The following PYGB variants were observed in gnomAD, a reference collection of about 807,000 sequenced individuals.
The protein encoded by PYGB is glycogen phosphorylase B, also known as glycogen phosphorylase, brain form.
PYGB carries 82 observed loss-of-function variants against 94.3 expected under a neutral mutation model. The observed-to-expected ratio is 0.87, with a 90% CI of 0.73 to 1.04. The LOEUF (loss-of-function observed/expected upper bound fraction) is 1.04, where lower values mean the gene tolerates loss of function less well. PYGB is among the 50% of genes least tolerant of loss of function. PYGB has a pLI of 0.00. For missense variants in PYGB, 1,132 were observed against 1,158.2 expected (o/e 0.98, Z 0.33); for synonymous variants, 488 against 479.1 (o/e 1.02, Z -0.24).
chr20:25,250,628 A>G (rs1353566444), intron 1 of PYGB, among the ~76,000 whole-genome samples: 2 of 152,218 alleles, frequency 1.3e-5, no homozygotes, highest in African/African-American at 4.8e-5. Flanking sequence ...GTGATGGACC[A>G]GCAACCAGTC....
chr20:25,286,803 G>C (rs1343016448), intron 14 of PYGB, among the ~76,000 whole-genome samples: 2 of 152,216 alleles, frequency 1.3e-5, no homozygotes, highest in African/African-American at 2.4e-5. Flanking sequence ...TCTCTGCCCA[G>C]AGTGCCCCTC....
intron 9 of PYGB, 58 bp from the exon 10 acceptor site, chr20:25,280,208 T>G: frequency 6.3e-7 from 1 of 1,586,038 alleles, no homozygotes; most frequent in Non-Finnish European, 8.6e-7. Flanking sequence ...CCTAGGCAAC[T>G]GGCCAGAGAG....
chr20:25,279,870 G>A (rs1482343071), intron 9 of PYGB, among the ~76,000 whole-genome samples: 1 of 152,180 alleles, frequency 6.6e-6, no homozygotes, highest in African/African-American at 2.4e-5. Context: ...GCCAGCATAG[G>A]GCAGGTCTGT....
intron 11 of PYGB, among the ~76,000 whole-genome samples, chr20:25,281,709 C>T (rs2088369005): frequency 6.6e-6 from 1 of 152,208 alleles, no homozygotes; most frequent in African/African-American, 2.4e-5. Flanking sequence ...TTCTCAAGCC[C>T]TGAAGTCCTG....
Position 25,280,333 on chromosome 20 carries a change from G to T in PYGB, c.1160G>T (p.Arg387Leu), listed in dbSNP as rs974654301. 5.6e-6 allele frequency: 9 copies of T among 1,613,906 alleles called. No individual in the cohort carries two copies. The highest frequency in any genetic ancestry group is 7.6e-6 in the Non-Finnish European group (9 of 1,179,866). The change falls in exon 10 of 20, where the codon CGC becomes CTC. Residue 387 changes from arginine to leucine, a missense_variant. Arg to Leu is a moderately radical substitution (Grantham distance 102). Transcript: ENST00000216962. ...ACTGTGCTGCCTGAGGCCTTGGAGC[G>T]CTGGCCCGTGTCCATGTTTGAGAAG... is the stretch of plus-strand genomic sequence containing the variant. ...NHTVLPEALERWPVSMFEKLL... is the reference protein window; with the variant it reads ...NHTVLPEALELWPVSMFEKLL...
Position 25,248,202 on chromosome 20 carries a change from C to CGAGAAGCGG in PYGB, c.25_33dup (p.Glu9_Arg11dup). Reference sequence around the variant, plus strand: ...CGATGGCGAAGCCGCTGACGGACAGCGAGAAGCGGAAGCAGATCAGCGTGC... The same window carrying CGAGAAGCGG: ...CGATGGCGAAGCCGCTGACGGACAGCGAGAAGCGGGAGAAGCGGAAGCAGATCAGCGTGC... On this transcript the variant is annotated inframe_insertion, in exon 1 of 20. Coordinates refer to ENST00000216962, the MANE Select transcript of PYGB (RefSeq NM_002862.4). 5 of 1,591,082 alleles carry CGAGAAGCGG rather than the reference C, an allele frequency of 3.1e-6. No homozygotes were observed. The South Asian group carries it at 5.7e-5, about 18-fold the overall frequency.
At chr20:25,290,347 C>T in intron 15 of PYGB, 134 bp from the exon 16 acceptor site, 1 of 1,191,302 alleles carries the variant, frequency 8.4e-7, no homozygotes, top group South Asian at 1.5e-5. Context: ...CTCCCTAGCT[C>T]CTCTACTGAC....
chr20:25,254,952 T>A (rs1012539541), intron 1 of PYGB, among the ~76,000 whole-genome samples: 9 of 152,220 alleles, frequency 5.9e-5, no homozygotes, highest in Non-Finnish European at 1.3e-4. Flanking sequence ...ACATTTGACA[T>A]TTTCAAAATT....
At chr20:25,289,606 T>C (rs936797274) in intron 15 of PYGB, among the ~76,000 whole-genome samples, 2 of 151,364 alleles carry the variant, frequency 1.3e-5, no homozygotes, top group African/African-American at 4.9e-5. Flanking sequence ...ATTGCACTAC[T>C]GCACTCCAGT....
At chr20:25,295,971 AGGAAAGGCTGGCCTGGT>A (rs2088536503) in intron 19 of PYGB, among the ~76,000 whole-genome samples, 1 of 152,132 alleles carries the variant, frequency 6.6e-6, no homozygotes, top group Non-Finnish European at 1.5e-5. Context: ...GCTGGCCTCG[AGGAAAGGCTGGCCTGGT>A]GTGACCTGCA....
At position 25,290,598 on chromosome 20, in the gene PYGB, T is replaced by C; in HGVS notation, c.1945T>C (p.Tyr649His). ...DRLKVIFLEN[Y>H]RVSLAEKVIP... ...GTTGAAAGTGATCTTCCTGGAGAAC[T>C]ACCGTGTGTCCTTGGCTGAGAAAGG... The change falls in exon 16 of 20, where the codon TAC becomes CAC. Residue 649 changes from tyrosine (Y) to histidine (H), a missense_variant. Physicochemically the swap from Tyr to His is moderately conservative, Grantham distance 83. Transcript: ENST00000216962. 6.2e-7 allele frequency: 1 copy of C among 1,605,630 alleles called. No individual in the cohort carries two copies. The highest frequency in any genetic ancestry group is 8.5e-7 in the Non-Finnish European group (1 of 1,172,772).
chr20:25,256,769 G>T (rs1443609039), intron 1 of PYGB, among the ~76,000 whole-genome samples: 1 of 152,246 alleles, frequency 6.6e-6, no homozygotes, highest in African/African-American at 2.4e-5. Flanking sequence ...AGCCAGAGGG[G>T]AGTGAGTGGA....
intron 2 of PYGB, among the ~76,000 whole-genome samples, chr20:25,267,934 A>G (rs991112513): frequency 6.6e-6 from 1 of 152,174 alleles, no homozygotes; most frequent in Admixed American, 6.5e-5. Context: ...GAAGGAACTA[A>G]ACATCTTTGA....
intron 1 of PYGB, among the ~76,000 whole-genome samples, chr20:25,249,437 G>A (rs769760586): frequency 1.1e-4 from 17 of 152,164 alleles, no homozygotes; most frequent in African/African-American, 3.9e-4. Flanking sequence ...CTACACTAAC[G>A]TAGAGGGAGA....
chr20:25,275,778 A>G (rs536355126), intron 5 of PYGB, among the ~76,000 whole-genome samples: 5 of 152,290 alleles, frequency 3.3e-5, no homozygotes, highest in African/African-American at 1.2e-4. Context: ...AGGGGCTAGA[A>G]TGCCTTGGCG....
In PYGB at chr20:25,284,146, A is replaced by G; in HGVS notation, c.1663A>G (p.Lys555Glu). ...KFSAFLEKEY[K>E]VKINPSSMFD... The stretch of plus-strand genomic sequence containing the variant: ...CTCGGCCTTCCTGGAGAAGGAGTAC[A>G]AGGTGAAGATCAACCCCTCCTCCAT... The change falls in exon 14 of 20, where the codon AAG becomes GAG. Residue 555 changes from lysine (K) to glutamate (E), a missense_variant. Physicochemically the swap from Lys to Glu is moderately conservative, Grantham distance 56. Transcript: ENST00000216962. 2 of 1,614,078 alleles carry G rather than the reference A, an allele frequency of 1.2e-6. No homozygotes were observed. The highest frequency in any genetic ancestry group is 1.7e-6 in the Non-Finnish European group (2 of 1,179,976).
At chr20:25,256,569 G>T (rs943599585) in intron 1 of PYGB, among the ~76,000 whole-genome samples, 1 of 152,066 alleles carries the variant, frequency 6.6e-6, no homozygotes, top group Non-Finnish European at 1.5e-5. Context: ...ATGTCATATT[G>T]CAAGAAGGGA....
intron 4 of PYGB, among the ~76,000 whole-genome samples, chr20:25,272,907 G>T (rs1187792912): frequency 6.6e-6 from 1 of 152,234 alleles, no homozygotes; most frequent in African/African-American, 2.4e-5. Context: ...CAGCAGGAAG[G>T]TATTGGTGGT....
chr20:25,250,131 G>T (rs576313672), intron 1 of PYGB, among the ~76,000 whole-genome samples: 1 of 152,198 alleles, frequency 6.6e-6, no homozygotes, highest in South Asian at 2.1e-4. Flanking sequence ...TTACAGGCGT[G>T]AGCCAACGCA....
Sources: allele counts gnomAD v4.1 joint callset (sites outside exome capture counted in the v4.1 genomes callset), GRCh38; gene constraint gnomAD v4.1.1; transcripts MANE v1.5; gene names NCBI Gene and HGNC (gene_info 2026-07-23, HGNC 2026-07-21).